PIK3C3: variants seen among roughly 807,000 people sequenced by gnomAD.
PIK3C3 encodes PI3-kinase type 3.
In PIK3C3, 95 loss-of-function variants were observed where a neutral mutation model predicts 126.1. That is an observed-to-expected ratio of 0.75 (90% CI 0.64 to 0.89). The LOEUF (loss-of-function observed/expected upper bound fraction) is 0.89. Ranked by LOEUF, PIK3C3 falls within the 40% of genes least tolerant of loss-of-function variation. The pLI, the probability that PIK3C3 is intolerant of heterozygous loss-of-function variation, is 0.00. For synonymous variants in PIK3C3, 374 were observed against 360.0 expected, an observed-to-expected ratio of 1.04 and a Z score of -0.44; for missense variants, 829 against 1,063.2, an observed-to-expected ratio of 0.78 and a Z score of 3.06.
chr18:42,066,924 CA>C (rs1391510532), intron 23 of PIK3C3, among the ~76,000 whole-genome samples: 2 of 152,018 alleles, frequency 1.3e-5, no homozygotes, highest in African/African-American at 4.8e-5. Flanking sequence ...TTCCTGTTCT[CA>C]TATAGACACT....
intron 13 of PIK3C3, among the ~76,000 whole-genome samples, chr18:42,024,353 C>T (rs1983456654): frequency 6.6e-6 from 1 of 152,042 alleles, no homozygotes; most frequent in Admixed American, 6.5e-5. Flanking sequence ...TGATAGCTAA[C>T]CTTGTCTCTC....
chr18:42,046,170 C>T (rs1451396594), intron 20 of PIK3C3, among the ~76,000 whole-genome samples: 1 of 152,118 alleles, frequency 6.6e-6, no homozygotes, highest in Non-Finnish European at 1.5e-5. Flanking sequence ...TCCAACATTT[C>T]ACATGTATTC....
At chr18:41,981,818 AAG>A (rs1981216980) in intron 4 of PIK3C3, among the ~76,000 whole-genome samples, 1 of 151,164 alleles carries the variant, frequency 6.6e-6, no homozygotes, top group Admixed American at 6.6e-5. Context: ...AAAAAAAAAA[AAG>A]AAAAAATTAG....
chr18:42,070,652 G>T (rs1985736210), intron 24 of PIK3C3: 1 of 152,076 alleles, frequency 6.6e-6, no homozygotes. Context: ...TGACATTGAG[G>T]TTAAAACATC....
Position 42,023,392 on chromosome 18 carries a change from C to T in PIK3C3, c.1484+2687C>T, listed in dbSNP as rs376395501. 2.2e-3 allele frequency among the ~76,000 whole-genome samples: 337 copies of T among 152,364 alleles called. 1 individual carries two copies. Among genetic ancestry groups the T allele is most frequent in the African/African-American group, 7.5e-3 (311 of 41,602 alleles). On this transcript the variant is annotated intron_variant, in intron 13 of 24. Transcript: ENST00000262039. The stretch of plus-strand genomic sequence containing the variant: ...GATGAAGTTTCCAACATAGCAGCTG[C>T]TTCTGTTCATAAGGAGCACACTTTT...
intron 15 of PIK3C3, among the ~76,000 whole-genome samples, chr18:42,032,366 C>T (rs1437592025): frequency 6.6e-6 from 1 of 152,148 alleles, no homozygotes; most frequent in Non-Finnish European, 1.5e-5. Context: ...GACTGAAACA[C>T]TGAGTAAGAG....
At chr18:41,974,824 G>A (rs1368686939) in intron 4 of PIK3C3, among the ~76,000 whole-genome samples, 1 of 152,110 alleles carries the variant, frequency 6.6e-6, no homozygotes, top group African/African-American at 2.4e-5. Flanking sequence ...CTGGGGTTTT[G>A]GATGTGACTA....
chr18:42,024,700 G>T (rs779466171), intron 13 of PIK3C3, among the ~76,000 whole-genome samples: 2 of 152,092 alleles, frequency 1.3e-5, no homozygotes, highest in South Asian at 2.1e-4. Context: ...CTCCCAAAGT[G>T]TTGGGATTGC....
At position 42,085,088 on chromosome 18, in the gene PIK3C3, A is replaced by C. The variant is rs917141968; in HGVS notation, c.*3951A>C. Reference sequence around the variant, plus strand: ...CCATAGTGGGAAAAAATAATTTTTAACTGGCTATGTAGTTAAAAAACCTAA... The same window carrying C: ...CCATAGTGGGAAAAAATAATTTTTACCTGGCTATGTAGTTAAAAAACCTAA... On this transcript the variant is annotated 3_prime_UTR_variant, in exon 25 of 25. Transcript: ENST00000262039. 6.6e-6 allele frequency: 1 copy of C among 152,158 alleles called. No homozygotes were observed. The highest frequency in any genetic ancestry group is 6.5e-5 in the Admixed American group (1 of 15,274). 9.4% of individuals were successfully genotyped at this position (152,158 alleles called of 1,614,324 possible).
chr18:42,079,130 T>C lies in PIK3C3; in HGVS notation c.2650-1993T>C, dbSNP rs188803528. On this transcript the variant is annotated intron_variant, in intron 24 of 24. Transcript: ENST00000262039. ...TTTTGGCCTATCTGAGCTTTTGATA[T>C]GCCTTTCTCACTAGGCTTAATCATT... Among the ~76,000 whole-genome samples the C allele has an allele frequency of 2.3e-3, 354 of 152,370 alleles. No homozygotes were observed. The South Asian group carries it at 0.024, about 10-fold the overall frequency.
chr18:42,080,875 T>A (rs1311827238), intron 24 of PIK3C3, among the ~76,000 whole-genome samples: 1 of 152,186 alleles, frequency 6.6e-6, no homozygotes, highest in Non-Finnish European at 1.5e-5. Flanking sequence ...GTTAATTACA[T>A]TCATCTTGAG....
intron 22 of PIK3C3, among the ~76,000 whole-genome samples, chr18:42,059,351 T>A (rs148928951): frequency 6.6e-6 from 1 of 152,286 alleles, no homozygotes; most frequent in African/African-American, 2.4e-5. Flanking sequence ...TTTAGATTTG[T>A]TTGGTGATGC....
rs767112061 is a variant in PIK3C3 at position 42,072,766 on chromosome 18, C to A, written c.2649+5253C>A. The stretch of plus-strand genomic sequence containing the variant: ...GCCCAAGCGGTTCTCAAACTCCTGG[C>A]CTCAAGCAATCCTCCTGCCTCGGCC... On this transcript the variant is annotated intron_variant, in intron 24 of 24. Transcript: ENST00000262039. Among the ~76,000 whole-genome samples the A allele has an allele frequency of 3.3e-3, 502 of 152,190 alleles. 4 individuals carry two copies. Among genetic ancestry groups the A allele is most frequent in the Non-Finnish European group, 4.1e-3 (276 of 67,990 alleles).
At chr18:42,040,354 G>A (rs1417285901) in intron 18 of PIK3C3, among the ~76,000 whole-genome samples, 4 of 151,866 alleles carry the variant, frequency 2.6e-5, no homozygotes, top group African/African-American at 7.3e-5. Context: ...ATTGGTATAT[G>A]TTGTAAATCT....
intron 9 of PIK3C3, among the ~76,000 whole-genome samples, chr18:42,000,203 A>G (rs1450290750): frequency 6.6e-6 from 1 of 151,976 alleles, no homozygotes; most frequent in East Asian, 1.9e-4. Flanking sequence ...GCAGGCGTGC[A>G]CCACCACGCC....
At chr18:42,076,897 A>G (rs1374935877) in intron 24 of PIK3C3, among the ~76,000 whole-genome samples, 1 of 152,206 alleles carries the variant, frequency 6.6e-6, no homozygotes, top group Non-Finnish European at 1.5e-5. Flanking sequence ...AAAACCTTTT[A>G]TAAAAATTCT....
intron 4 of PIK3C3, among the ~76,000 whole-genome samples, chr18:41,975,938 G>C (rs904072970): frequency 1.3e-5 from 2 of 152,146 alleles, no homozygotes; most frequent in Non-Finnish European, 2.9e-5. Flanking sequence ...CTGACCTCGT[G>C]ATCTGCCTGC....
intron 24 of PIK3C3, among the ~76,000 whole-genome samples, chr18:42,079,998 A>AGTGTGT (rs71174081): frequency 6.6e-5 from 9 of 137,348 alleles, no homozygotes; most frequent in South Asian, 2.4e-4. Flanking sequence ...TAAGAGAGAG[A>AGTGTGT]GTGTGTGTGT....
Position 41,982,265 on chromosome 18 carries a change from AG to A in PIK3C3, c.532-5544del, listed in dbSNP as rs150529588. 2.3e-3 allele frequency among the ~76,000 whole-genome samples: 350 copies of A among 152,284 alleles called. 5 individuals carry two copies. The East Asian group carries it at 0.051, about 22-fold the overall frequency. The stretch of plus-strand genomic sequence containing the variant: ...AATGCAACCCTGTACAATCATATAA[AG>A]GGTTACTGGAAAAACAGTCTTTTGT... On this transcript the variant is annotated intron_variant, in intron 4 of 24. Transcript: ENST00000262039.
Sources: allele counts gnomAD v4.1 joint callset (sites outside exome capture counted in the v4.1 genomes callset), GRCh38; gene constraint gnomAD v4.1.1; transcripts MANE v1.5; gene names NCBI Gene and HGNC (gene_info 2026-07-23, HGNC 2026-07-21).